HS6ST2: variants seen among roughly 807,000 people sequenced by gnomAD.
The protein encoded by HS6ST2 is heparan sulfate 6-O-sulfotransferase 2.
A neutral mutation model predicts 33.0 loss-of-function variants in HS6ST2; 17 were observed. That is an observed-to-expected ratio of 0.52 (90% CI 0.35 to 0.77). HS6ST2 has a LOEUF of 0.77. HS6ST2 is among the 30% of genes least tolerant of loss of function. The pLI, the probability that HS6ST2 is intolerant of heterozygous loss-of-function variation, is 0.01. For missense variants in HS6ST2, 519 were observed against 551.7 expected (o/e 0.94, Z 0.59); for synonymous variants, 248 against 237.1 (o/e 1.05, Z -0.42).
chrX:132,769,141 T>C (rs1033615327), intron 2 of HS6ST2, among the ~76,000 whole-genome samples: 10 of 112,126 alleles, frequency 8.9e-5, no homozygotes, highest in African/African-American at 3.2e-4. Flanking sequence ...TATAAATGTG[T>C]AGCAATAGAA....
chrX:132,906,670 C>T (rs772511834), intron 2 of HS6ST2, among the ~76,000 whole-genome samples: 68 of 110,322 alleles, frequency 6.2e-4, no homozygotes, highest in South Asian at 1.2e-3. Context: ...GCAGGTCCCT[C>T]AAGAAGTGAT....
chrX:132,910,794 T>G, intron 2 of HS6ST2, among the ~76,000 whole-genome samples: 1 of 111,526 alleles, frequency 9.0e-6, no homozygotes, highest in Non-Finnish European at 1.9e-5. Context: ...CTTTCGTCCA[T>G]TTGCCTCGGT....
chrX:132,838,072 C>T (rs2065662574), intron 2 of HS6ST2, among the ~76,000 whole-genome samples: 1 of 108,031 alleles, frequency 9.3e-6, no homozygotes, highest in Non-Finnish European at 1.9e-5. Flanking sequence ...TTCCTTCAGA[C>T]TTACATAGAA....
chrX:132,830,269 T>C (rs1044037495), intron 2 of HS6ST2, among the ~76,000 whole-genome samples: 1 of 111,910 alleles, frequency 8.9e-6, no homozygotes, highest in Admixed American at 9.5e-5. Flanking sequence ...CATACAAACA[T>C]CAAATTCTGA....
intron 2 of HS6ST2, among the ~76,000 whole-genome samples, chrX:132,726,420 C>T (rs1231048688): frequency 1.8e-5 from 2 of 112,478 alleles, no homozygotes; most frequent in East Asian, 5.5e-4. Flanking sequence ...AGATGAAGAT[C>T]TCTCCCAAAA....
chrX:132,675,699 C>G (rs1372744878), intron 3 of HS6ST2, among the ~76,000 whole-genome samples: 2 of 112,024 alleles, frequency 1.8e-5, no homozygotes, highest in African/African-American at 6.5e-5. Context: ...AAGAAGGACA[C>G]TCTGGCAAAT....
At chrX:132,653,522 G>C (rs2063708717) in intron 4 of HS6ST2, among the ~76,000 whole-genome samples, 1 of 111,578 alleles carries the variant, frequency 9.0e-6, no homozygotes, top group African/African-American at 3.3e-5. Context: ...CTCACGATTT[G>C]TTTGTACTTT....
intron 3 of HS6ST2, among the ~76,000 whole-genome samples, chrX:132,694,721 G>A (rs919019268): frequency 9.0e-6 from 1 of 111,613 alleles, no homozygotes; most frequent in African/African-American, 3.3e-5. Flanking sequence ...AAATGATGGC[G>A]GCTTGGACTA....
intron 3 of HS6ST2, among the ~76,000 whole-genome samples, chrX:132,706,901 C>A (rs243470): frequency 1.8e-5 from 2 of 110,701 alleles, no homozygotes; most frequent in Admixed American, 9.5e-5. Flanking sequence ...TTACCAAAAC[C>A]GTTTCTTTCC....
chrX:132,723,959 A>G (rs1163029247), intron 2 of HS6ST2, among the ~76,000 whole-genome samples: 1 of 110,058 alleles, frequency 9.1e-6, no homozygotes, highest in Admixed American at 9.7e-5. Flanking sequence ...ACACAGTGAA[A>G]CCCCATCTCT....
intron 2 of HS6ST2, among the ~76,000 whole-genome samples, chrX:132,760,213 A>G (rs2064793018): frequency 9.0e-6 from 1 of 111,058 alleles, no homozygotes; most frequent in Non-Finnish European, 1.9e-5. Flanking sequence ...ATGTGGGGTG[A>G]GGCCAGGGAG....
intron 2 of HS6ST2, among the ~76,000 whole-genome samples, chrX:132,876,604 T>C (rs913541449): frequency 2.7e-5 from 3 of 110,035 alleles, no homozygotes; most frequent in African/African-American, 6.6e-5. Context: ...AAAAGAGGGA[T>C]AGAGGGAGGG....
In HS6ST2 at chrX:132,728,812, G is replaced by A. The variant is rs746178169; in HGVS notation, c.948-20318C>T. ...CTCCTGTCCCTTGGAATGAAAGTTC[G>A]ACATAAATCTAGGAAATAAATAATG... On this transcript the variant is annotated intron_variant, in intron 2 of 4. Coordinates refer to ENST00000370833, the MANE Select transcript of HS6ST2 (RefSeq NM_001394073.1). Among the ~76,000 whole-genome samples, 17 of 112,189 alleles carry A rather than the reference G, an allele frequency of 1.5e-4. 1 individual carries two copies. The highest frequency in any genetic ancestry group is 7.5e-4 in the South Asian group (2 of 2,667).
At chrX:132,914,412 AAG>A (rs1391549054) in intron 2 of HS6ST2, among the ~76,000 whole-genome samples, 1 of 112,649 alleles carries the variant, frequency 8.9e-6, no homozygotes, top group Non-Finnish European at 1.9e-5. Flanking sequence ...TCTGGCTCTG[AAG>A]CCTGTCTGTG....
intron 2 of HS6ST2, among the ~76,000 whole-genome samples, chrX:132,941,617 GT>G (rs969648253): frequency 8.9e-6 from 1 of 112,116 alleles, no homozygotes; most frequent in African/African-American, 3.2e-5. Flanking sequence ...TTGGCATTAA[GT>G]CACCAATCGT....
intron 3 of HS6ST2, among the ~76,000 whole-genome samples, chrX:132,674,093 A>G (rs781310707): frequency 3.6e-5 from 4 of 111,648 alleles, no homozygotes; most frequent in Non-Finnish European, 7.5e-5. Context: ...CTCATTATCT[A>G]TATTTCTGAT....
At chrX:132,778,869 A>G in intron 2 of HS6ST2, among the ~76,000 whole-genome samples, 1 of 112,144 alleles carries the variant, frequency 8.9e-6, no homozygotes. Context: ...CACTTCCTGA[A>G]AAGCTATAAA....
chrX:132,958,622 A>G lies in HS6ST2; in HGVS notation c.-20T>C, dbSNP rs1455337942. On this transcript the variant is annotated 5_prime_UTR_variant, in exon 1 of 5. Coordinates refer to ENST00000370833, the MANE Select transcript of HS6ST2 (RefSeq NM_001394073.1). ...TGCCATTCCCCCCTTCAGGCAACTC[A>G]GGGTACTAAGGATCACGAGCGAGCT... 4.4e-6 allele frequency: 5 copies of G among 1,133,451 alleles called. No individual in the cohort carries two copies. The highest frequency in any genetic ancestry group is 5.9e-6 in the Non-Finnish European group (5 of 852,337). The allele number at this position is 1,133,451 out of a possible 1,213,427, so 93.4% of individuals were successfully genotyped here. A position where few individuals can be genotyped will look rare whatever the true frequency, so the allele number is the denominator to read the frequency against.
chrX:132,926,376 C>T (rs2066710567), intron 2 of HS6ST2, among the ~76,000 whole-genome samples: 1 of 111,728 alleles, frequency 9.0e-6, no homozygotes, highest in South Asian at 3.8e-4. Flanking sequence ...TCACTTAGGG[C>T]CTTGAAGCTG....
Sources: allele counts gnomAD v4.1 joint callset (sites outside exome capture counted in the v4.1 genomes callset), GRCh38; gene constraint gnomAD v4.1.1; transcripts MANE v1.5; gene names NCBI Gene and HGNC (gene_info 2026-07-23, HGNC 2026-07-21).